Variants in BLMH observed in about 807,000 individuals in gnomAD.
BLMH encodes BLM hydrolase.
Under a neutral mutation model 61.6 loss-of-function variants are expected in BLMH, and 32 were observed. The observed-to-expected ratio is 0.52, with a 90% confidence interval of 0.39 to 0.70. The LOEUF (loss-of-function observed/expected upper bound fraction) is 0.70, where lower values mean the gene tolerates loss of function less well. Ranked by LOEUF, BLMH falls within the 30% of genes least tolerant of loss-of-function variation. BLMH has a pLI of 0.00. For missense variants in BLMH, 460 were observed against 555.5 expected (o/e 0.83, Z 1.73); for synonymous variants, 183 against 193.8 (o/e 0.94, Z 0.46).
At chr17:30,290,536 C>A (rs994554528) in intron 2 of BLMH, among the ~76,000 whole-genome samples, 7 of 152,096 alleles carry the variant, frequency 4.6e-5, no homozygotes, top group African/African-American at 1.7e-4. Context: ...TAAATGTGTG[C>A]TTTGTGAGTT....
At chr17:30,271,734 G>C (rs1003884469) in intron 9 of BLMH, among the ~76,000 whole-genome samples, 1 of 152,168 alleles carries the variant, frequency 6.6e-6, no homozygotes, top group Non-Finnish European at 1.5e-5. Flanking sequence ...GATCTCTTTT[G>C]AGCTGGTGGA....
chr17:30,255,989 C>T (rs887020481), intron 11 of BLMH, among the ~76,000 whole-genome samples: 3 of 152,194 alleles, frequency 2.0e-5, no homozygotes, highest in East Asian at 3.9e-4. Context: ...TGGGGACATG[C>T]GATCCTCCCA....
At chr17:30,287,751 T>C in intron 4 of BLMH, 55 bp downstream of exon 4, 1 of 1,598,456 alleles carries the variant, frequency 6.3e-7, no homozygotes. Context: ...CATGCCTAAC[T>C]ACAGGCTTAC....
chr17:30,251,510 CG>C (rs1303827140), intron 11 of BLMH, among the ~76,000 whole-genome samples: 1 of 152,228 alleles, frequency 6.6e-6, no homozygotes, highest in African/African-American at 2.4e-5. Context: ...GTCATCTGAC[CG>C]TATCTGCTAC....
Position 30,291,442 on chromosome 17 carries a change from G to T in BLMH, c.80C>A (p.Ala27Asp). 1 of 1,614,234 alleles carries T rather than the reference G, an allele frequency of 6.2e-7. No homozygotes were observed. ...KLNSDPQFVL[A>D]QNVGTTHDLL... is the part of the protein sequence containing the mutation. ...GTCGTGGGTGGTCCCGACATTCTGG[G>T]CAAGTACGAACTGGGGGTCGGAATT... is the stretch of plus-strand genomic sequence containing the variant. Residue 27 changes from alanine (A) to aspartate (D), a missense_variant, in exon 2 of 12, where the codon GCC (alanine) becomes GAC (aspartate). This residue lies in a region of BLMH where 86 missense variants were observed against 84.5 expected (regional missense o/e 1.02). Transcript: ENST00000261714.
intron 11 of BLMH, among the ~76,000 whole-genome samples, chr17:30,266,523 C>CAA (rs770078465): frequency 3.6e-4 from 19 of 53,060 alleles, no homozygotes; most frequent in African/African-American, 5.2e-4. Context: ...AGACTCTGTC[C>CAA]AAAAAAAAAA....
chr17:30,260,666 G>GGTCT (rs1907933114), intron 11 of BLMH, among the ~76,000 whole-genome samples: 1 of 152,134 alleles, frequency 6.6e-6, no homozygotes, highest in African/African-American at 2.4e-5. Flanking sequence ...GATCACTTGA[G>GGTCT]GTCTGGAGTT....
chr17:30,281,698 G>A (rs1003215216), intron 6 of BLMH, among the ~76,000 whole-genome samples: 1 of 152,004 alleles, frequency 6.6e-6, no homozygotes, highest in East Asian at 1.9e-4. Context: ...ATGGGGTCTC[G>A]CTCTGTCACT....
chr17:30,255,605 G>A (rs966121858), intron 11 of BLMH, among the ~76,000 whole-genome samples: 2 of 152,036 alleles, frequency 1.3e-5, no homozygotes, highest in African/African-American at 4.8e-5. Context: ...CATTTTTTAA[G>A]AGACAAGGTC....
chr17:30,254,100 T>C (rs1907749264), intron 11 of BLMH, among the ~76,000 whole-genome samples: 1 of 152,240 alleles, frequency 6.6e-6, no homozygotes, highest in Non-Finnish European at 1.5e-5. Flanking sequence ...TTTAAGCCTT[T>C]CAGACTAAAG....
intron 6 of BLMH, among the ~76,000 whole-genome samples, chr17:30,284,827 CAT>C (rs76208740): frequency 0.081 from 12,306 of 152,264 alleles, 697 homozygotes; most frequent in Non-Finnish European, 0.13. Flanking sequence ...GTTTCAGCCA[CAT>C]GATTCCCTGA....
intron 7 of BLMH, chr17:30,273,147 A>G (rs1005523061): frequency 2.4e-6 from 1 of 416,150 alleles, no homozygotes; most frequent in Non-Finnish European, 4.2e-6. Context: ...CCTACTAGCA[A>G]GAACTGCTCC....
At chr17:30,268,383 A>C (rs1908168366) in intron 10 of BLMH, among the ~76,000 whole-genome samples, 1 of 152,180 alleles carries the variant, frequency 6.6e-6, no homozygotes, top group Admixed American at 6.5e-5. Context: ...AAAATTGTGG[A>C]AATATAACCA....
intron 11 of BLMH, among the ~76,000 whole-genome samples, chr17:30,265,209 C>T (rs1303877085): frequency 6.6e-6 from 1 of 152,126 alleles, no homozygotes; most frequent in Non-Finnish European, 1.5e-5. Flanking sequence ...AGCCAAAATC[C>T]ACCAGTGATT....
intron 2 of BLMH, 146 bp from the exon 3 acceptor site, chr17:30,289,628 C>T (rs1317461614): frequency 6.5e-6 from 3 of 465,030 alleles, no homozygotes; most frequent in Non-Finnish European, 1.1e-5. Context: ...AAAAACAAAA[C>T]AAGAAAGGTG....
intron 11 of BLMH, among the ~76,000 whole-genome samples, chr17:30,266,344 G>A (rs887495119): frequency 2.0e-5 from 3 of 151,788 alleles, no homozygotes; most frequent in South Asian, 2.1e-4. Flanking sequence ...TGGCTAACAC[G>A]GTGAAACCCC....
intron 6 of BLMH, among the ~76,000 whole-genome samples, chr17:30,278,798 T>C (rs1908497329): frequency 1.3e-5 from 2 of 152,184 alleles, no homozygotes; most frequent in Admixed American, 1.3e-4. Context: ...GCCTCCCAAG[T>C]AGCAGTGATT....
rs116231326 is a variant in BLMH at position 30,265,227 on chromosome 17, T to G, written c.1216+1658A>C. Among the ~76,000 whole-genome samples, 362 of 152,296 alleles carry G rather than the reference T, an allele frequency of 2.4e-3. 2 individuals are homozygous for G. The highest frequency in any genetic ancestry group is 6.8e-3 in the Middle Eastern group (2 of 294). On this transcript the variant is annotated intron_variant, in intron 11 of 11. Transcript: ENST00000261714. ...CAAAATCCACCAGTGATTATTCTCATAGAGAGATGAAAAGCCCTCGAATGA... is the reference window on the plus strand; with the variant it reads ...CAAAATCCACCAGTGATTATTCTCAGAGAGAGATGAAAAGCCCTCGAATGA...
At chr17:30,265,541 CT>C (rs1567833558) in intron 11 of BLMH, among the ~76,000 whole-genome samples, 1 of 152,132 alleles carries the variant, frequency 6.6e-6, no homozygotes, top group South Asian at 2.1e-4. Flanking sequence ...CTTTTTCTTT[CT>C]TTTTTTAAAA....
Sources: allele counts gnomAD v4.1 joint callset (sites outside exome capture counted in the v4.1 genomes callset), GRCh38; gene constraint gnomAD v4.1.1; regional missense constraint gnomAD v4.1.1; transcripts MANE v1.5; gene names NCBI Gene and HGNC (gene_info 2026-07-23, HGNC 2026-07-21).